ATP6V1D: variants seen among roughly 807,000 people sequenced by gnomAD.
ATP6V1D encodes the protein ATPase H+ transporting V1 subunit D.
Under a neutral mutation model 39.4 loss-of-function variants are expected in ATP6V1D, and 20 were observed. The observed-to-expected ratio is 0.51, with a 90% confidence interval of 0.36 to 0.74. The LOEUF (loss-of-function observed/expected upper bound fraction) is 0.74. Among genes scored for constraint, ATP6V1D ranks in the 30% least tolerant of loss-of-function variants. The pLI, the probability that ATP6V1D is intolerant of heterozygous loss-of-function variation, is 0.00. For synonymous variants in ATP6V1D, 100 were observed against 100.5 expected, an observed-to-expected ratio of 0.99 and a Z score of 0.03; for missense variants, 228 against 291.6, an observed-to-expected ratio of 0.78 and a Z score of 1.59.
chr14:67,359,615 T>C (rs1299035097), intron 1 of ATP6V1D, 43 bp downstream of exon 1: 3 of 1,611,560 alleles, frequency 1.9e-6, no homozygotes, highest in East Asian at 4.5e-5. Flanking sequence ...GCGCTCCGGG[T>C]TCCTAAACCT....
intron 8 of ATP6V1D, among the ~76,000 whole-genome samples, chr14:67,339,673 G>A (rs2085565074): frequency 6.6e-6 from 1 of 152,054 alleles, no homozygotes; most frequent in African/African-American, 2.4e-5. Context: ...ATACTATTTG[G>A]TAATGCCTCC....
At chr14:67,340,621 T>C (rs1367221769) in intron 7 of ATP6V1D, 103 bp from the exon 8 acceptor site, 1 of 968,640 alleles carries the variant, frequency 1.0e-6, no homozygotes, top group Non-Finnish European at 1.6e-6. Context: ...ATTGTAAAAT[T>C]AATGTGCATT....
intron 2 of ATP6V1D, among the ~76,000 whole-genome samples, chr14:67,351,800 C>T (rs2085655327): frequency 6.6e-6 from 1 of 151,636 alleles, no homozygotes; most frequent in Non-Finnish European, 1.5e-5. Flanking sequence ...GGATTACAGG[C>T]ATGAGTCACC....
rs144347090 is a variant in ATP6V1D at position 67,349,134 on chromosome 14, C to T, written c.240-30G>A. 69 of 1,600,414 alleles carry T rather than the reference C, an allele frequency of 4.3e-5. No homozygotes were observed. The African/African-American group carries it at 9.0e-4, about 21-fold the overall frequency. ...AGAAAAAGAGAAAGACTTTATTTAGCAGACTCTTCAGAAATAAACCTACAG... is the reference window on the plus strand; with the variant it reads ...AGAAAAAGAGAAAGACTTTATTTAGTAGACTCTTCAGAAATAAACCTACAG... On this transcript the variant is annotated intron_variant, in intron 3 of 8. Coordinates refer to ENST00000216442, the MANE Select transcript of ATP6V1D (RefSeq NM_015994.4).
intron 2 of ATP6V1D, among the ~76,000 whole-genome samples, chr14:67,352,503 A>G (rs532232254): frequency 2.6e-4 from 40 of 152,256 alleles, no homozygotes; most frequent in African/African-American, 7.9e-4. Context: ...TAAAATTAAA[A>G]TAAGGAATTG....
chr14:67,345,012 C>T (rs937914278), intron 6 of ATP6V1D, among the ~76,000 whole-genome samples: 2 of 151,582 alleles, frequency 1.3e-5, no homozygotes, highest in Non-Finnish European at 2.9e-5. Flanking sequence ...AAGGATGAGG[C>T]GGGCTGATTA....
chr14:67,357,778 CAGAG>C (rs1566605083), intron 1 of ATP6V1D, among the ~76,000 whole-genome samples: 1 of 152,152 alleles, frequency 6.6e-6, no homozygotes, highest in Admixed American at 6.5e-5. Context: ...CAAGAAGAGT[CAGAG>C]AAGAGAAACC....
At position 67,350,699 on chromosome 14, in the gene ATP6V1D, G is replaced by T. The variant is rs1433942615; in HGVS notation, c.160-9C>A. 1 of 1,612,024 alleles carries T rather than the reference G, an allele frequency of 6.2e-7. No homozygotes were observed. The highest frequency in any genetic ancestry group is 1.7e-5 in the Admixed American group (1 of 59,708). The stretch of plus-strand genomic sequence containing the variant: ...CCCATCAACATTTTAGTCTGGAAAA[G>T]CATAAACCAACAGCAGATTCAACCA... On this transcript the variant is annotated splice_polypyrimidine_tract_variant and intron_variant, in intron 2 of 8. Transcript: ENST00000216442.
Position 67,359,683 on chromosome 14 carries a change from G to C in ATP6V1D, c.16C>G (p.Arg6Gly). Residue 6 changes from arginine to glycine, a missense_variant, in exon 1 of 9, where the codon CGA becomes GGA. Physicochemically the swap from Arg to Gly is moderately radical, Grantham distance 125. Transcript: ENST00000216442. MSGKD[R>G]IEIFPSRMAQ... Reference sequence around the variant, plus strand: ...ATTCGCGAGGGAAAGATTTCAATTCGGTCTTTGCCCGACATTCTGACGATA... The same window carrying C: ...ATTCGCGAGGGAAAGATTTCAATTCCGTCTTTGCCCGACATTCTGACGATA... 2 of 1,614,112 alleles carry C rather than the reference G, an allele frequency of 1.2e-6. No individual in the cohort carries two copies. The highest frequency in any genetic ancestry group is 1.1e-5 in the South Asian group (1 of 91,080).
intron 1 of ATP6V1D, among the ~76,000 whole-genome samples, chr14:67,354,863 G>C (rs1177105866): frequency 6.6e-6 from 1 of 152,198 alleles, no homozygotes; most frequent in Non-Finnish European, 1.5e-5. Flanking sequence ...GCCCAGGCTA[G>C]AGTGCAATGG....
intron 3 of ATP6V1D, 130 bp downstream of exon 3, chr14:67,350,481 A>G: frequency 1.4e-6 from 1 of 697,902 alleles, no homozygotes; most frequent in Non-Finnish European, 2.3e-6. Context: ...GGTTAAAAGA[A>G]TTCTTTCTTA....
At position 67,341,696 on chromosome 14, in the gene ATP6V1D, C is replaced by T. The variant is rs963467724; in HGVS notation, c.524-1178G>A. 1.2e-4 allele frequency among the ~76,000 whole-genome samples: 19 copies of T among 152,190 alleles called. 1 individual carries two copies. Among genetic ancestry groups the T allele is most frequent in the Admixed American group, 1.2e-3 (18 of 15,284 alleles). ...CGTCTGGGAGGTGTACCCAACAGCT[C>T]ACTGAGAACAGGCCATGATGACAAT... On this transcript the variant is annotated intron_variant, in intron 7 of 8. Coordinates refer to ENST00000216442, the MANE Select transcript of ATP6V1D (RefSeq NM_015994.4).
At chr14:67,345,375 G>A (rs1003832248) in intron 6 of ATP6V1D, among the ~76,000 whole-genome samples, 4 of 152,128 alleles carry the variant, frequency 2.6e-5, no homozygotes, top group African/African-American at 9.7e-5. Flanking sequence ...TGACAAACAT[G>A]GCAAAACCCT....
rs536677434 is a variant in ATP6V1D, at chr14:67,341,725, G to A, written c.524-1207C>T. ...GAGAACAGGCCATGATGACAATGGC[G>A]GTTTTGTGGAATAGAAAAGGGGGAA... is the stretch of plus-strand genomic sequence containing the variant. On this transcript the variant is annotated intron_variant, in intron 7 of 8. Transcript: ENST00000216442. Among the ~76,000 whole-genome samples, 85 of 152,336 alleles carry A rather than the reference G, an allele frequency of 5.6e-4. No individual in the cohort carries two copies. In the Middle Eastern group the frequency reaches 0.01, roughly 18 times the overall value.
At chr14:67,345,713 C>T (rs1489983086) in intron 6 of ATP6V1D, 55 bp downstream of exon 6, 3 of 1,221,064 alleles carry the variant, frequency 2.5e-6, no homozygotes. Context: ...GACTCTCCTC[C>T]ACTTGACTGT....
intron 2 of ATP6V1D, 120 bp downstream of exon 2, chr14:67,352,803 T>TG: frequency 1.5e-6 from 1 of 666,186 alleles, no homozygotes; most frequent in Non-Finnish European, 2.5e-6. Context: ...AAACTTATAA[T>TG]GGTATTTTTA....
chr14:67,352,446 A>G (rs2085661256), intron 2 of ATP6V1D, among the ~76,000 whole-genome samples: 1 of 152,024 alleles, frequency 6.6e-6, no homozygotes, highest in African/African-American at 2.4e-5. Context: ...AAAAAAAGAA[A>G]AAGACTAGAA....
At chr14:67,347,541 G>A (rs1277984658) in intron 4 of ATP6V1D, 88 bp from the exon 5 acceptor site, 7 of 1,167,320 alleles carry the variant, frequency 6.0e-6, no homozygotes, top group South Asian at 4.2e-5. Flanking sequence ...TGCTCTTGTC[G>A]CCGAGGCTGG....
chr14:67,358,236 T>C (rs6573768), intron 1 of ATP6V1D, among the ~76,000 whole-genome samples: 47,329 of 152,084 alleles, frequency 0.31, 11,292 homozygotes, highest in African/African-American at 0.64. Context: ...TGTCACTACC[T>C]CGGGATAGTC....
Sources: allele counts gnomAD v4.1 joint callset (sites outside exome capture counted in the v4.1 genomes callset), GRCh38; gene constraint gnomAD v4.1.1; transcripts MANE v1.5; gene names NCBI Gene and HGNC (gene_info 2026-07-23, HGNC 2026-07-21).